Variants in CHAT observed in about 807,000 individuals in gnomAD.
The protein encoded by CHAT is choline O-acetyltransferase.
CHAT carries 61 observed loss-of-function variants against 76.9 expected under a neutral mutation model. The ratio of observed to expected loss-of-function variants is 0.79; its 90% CI spans 0.65 to 0.98. The LOEUF is 0.98. Among genes scored for constraint, CHAT ranks in the 50% least tolerant of loss-of-function variants. The probability of loss-of-function intolerance (pLI) is 0.00; values close to 1 mark genes in which losing one functional copy is unlikely to be tolerated. For synonymous variants in CHAT, 407 were observed against 397.4 expected, an observed-to-expected ratio of 1.02 and a Z score of -0.29; for missense variants, 946 against 986.9, an observed-to-expected ratio of 0.96 and a Z score of 0.56.
chr10:49,652,042 G>T, intron 11 of CHAT, 36 bp downstream of exon 11: 1 of 1,613,958 alleles, frequency 6.2e-7, no homozygotes, highest in African/African-American at 1.3e-5. Context: ...ACCCTGGAGG[G>T]CTGACGGACA....
At chr10:49,612,708 G>T, upstream of CHAT, 1 of 240,408 alleles carries the variant, frequency 4.2e-6, no homozygotes. Context: ...AATAAACTGT[G>T]TCTGTCCCAG....
At chr10:49,628,237 C>A (rs1838995249) in intron 7 of CHAT, among the ~76,000 whole-genome samples, 1 of 152,096 alleles carries the variant, frequency 6.6e-6, no homozygotes, top group Non-Finnish European at 1.5e-5. Flanking sequence ...TTCAAGCTGT[C>A]CCTTATCTTG....
intron 7 of CHAT, among the ~76,000 whole-genome samples, chr10:49,630,107 G>C (rs1192650046): frequency 6.6e-6 from 1 of 152,146 alleles, no homozygotes; most frequent in Non-Finnish European, 1.5e-5. Context: ...GGGTCATCTG[G>C]GTGGAGACGT....
intron 10 of CHAT, among the ~76,000 whole-genome samples, chr10:49,650,250 C>T (rs968614584): frequency 7.2e-5 from 11 of 151,896 alleles, no homozygotes; most frequent in Admixed American, 2.0e-4. Context: ...GGTGTGCACC[C>T]GGCCCGTGGT....
At chr10:49,637,308 A>T (rs1288398763) in intron 7 of CHAT, 2 of 152,048 alleles carry the variant, frequency 1.3e-5, no homozygotes, top group Non-Finnish European at 2.9e-5. Flanking sequence ...ACAAATTTTC[A>T]TATGGTGTAT....
At position 49,620,543 on chromosome 10, in the gene CHAT, C is replaced by T; in HGVS notation, c.628C>T (p.Leu210=). The change falls in exon 4 of 15, where the codon CTG becomes TTG. Residue 210 remains leucine (L), a synonymous_variant. Coordinates refer to ENST00000337653, the MANE Select transcript of CHAT (RefSeq NM_020549.5). The stretch of plus-strand genomic sequence containing the variant: ...CATGTATCTCAACAACCGCCTGGCC[C>T]TGCCTGTCAACTCCAGCCCTGCCGT... ...NDMYLNNRLA[L]PVNSSPAVIF... 2 of 1,613,974 alleles carry T rather than the reference C, an allele frequency of 1.2e-6. No homozygotes were observed. The highest frequency in any genetic ancestry group is 8.5e-7 in the Non-Finnish European group (1 of 1,179,898).
In CHAT at chr10:49,647,968, T is replaced by G. The variant is rs562856576; in HGVS notation, c.1282-539T>G. ...GCCAGCAGGGCTTCATGGACCTGAA[T>G]TCAAGATGATGGAGAACTGGTCTCA... is the stretch of plus-strand genomic sequence containing the variant. On this transcript the variant is annotated intron_variant, in intron 8 of 14. Transcript: ENST00000337653. 9.8e-5 allele frequency: 18 copies of G among 183,798 alleles called. No individual in the cohort carries two copies. In the East Asian group the frequency reaches 2.7e-3, roughly 27 times the overall value. 11.4% of individuals were successfully genotyped at this position (183,798 alleles called of 1,614,324 possible).
chr10:49,623,273 C>T (rs149491714), intron 5 of CHAT, among the ~76,000 whole-genome samples: 1 of 147,502 alleles, frequency 6.8e-6, no homozygotes, highest in Non-Finnish European at 1.5e-5. Context: ...CACTGACTGC[C>T]CCCACGAGAC....
At chr10:49,632,063 C>T (rs1839142903) in intron 7 of CHAT, among the ~76,000 whole-genome samples, 1 of 152,108 alleles carries the variant, frequency 6.6e-6, no homozygotes, top group South Asian at 2.1e-4. Context: ...GCTGTCTACC[C>T]CACCTGGCCC....
chr10:49,647,103 C>T, intron 8 of CHAT: 1 of 217,090 alleles, frequency 4.6e-6, no homozygotes, highest in East Asian at 1.1e-4. Context: ...CCAGAGCTGT[C>T]AGCTTTTTGG....
At chr10:49,626,841 T>C (rs1032545019) in intron 6 of CHAT, among the ~76,000 whole-genome samples, 13 of 152,224 alleles carry the variant, frequency 8.5e-5, no homozygotes, top group African/African-American at 2.9e-4. Context: ...CCTTCAAAGC[T>C]ACAAAATGAC....
chr10:49,656,499 C>T (rs565898584), intron 13 of CHAT, among the ~76,000 whole-genome samples: 1 of 152,226 alleles, frequency 6.6e-6, no homozygotes, highest in Non-Finnish European at 1.5e-5. Flanking sequence ...GTTTCCTCTG[C>T]TTGGGAAAGC....
chr10:49,628,520 C>T (rs944690038), intron 7 of CHAT, among the ~76,000 whole-genome samples: 3 of 152,144 alleles, frequency 2.0e-5, no homozygotes, highest in Non-Finnish European at 4.4e-5. Context: ...GGGCTTGGCT[C>T]AGGGAGTATG....
chr10:49,615,166 G>C lies in CHAT; in HGVS notation c.286+691G>C, dbSNP rs373455051. 6.3e-4 allele frequency among the ~76,000 whole-genome samples: 96 copies of C among 152,026 alleles called. No individual in the cohort carries two copies. The East Asian group carries it at 9.3e-3, about 15-fold the overall frequency. On this transcript the variant is annotated intron_variant, in intron 1 of 14. Transcript: ENST00000337653. Reference sequence around the variant, plus strand: ...CTAGTGTCTCCCGAATGGGGGGGAGGGGGGGGCTCTGGGCCAGAGCAAAAG... The same window carrying C: ...CTAGTGTCTCCCGAATGGGGGGGAGCGGGGGGCTCTGGGCCAGAGCAAAAG...
intron 4 of CHAT, 92 bp from the exon 5 acceptor site, chr10:49,622,005 A>G (rs1199452444): frequency 2.1e-6 from 3 of 1,414,648 alleles, no homozygotes; most frequent in African/African-American, 2.8e-5. Context: ...GATGGAAGGA[A>G]GAGGGAAGGA....
At chr10:49,650,255 C>T (rs1009261279) in intron 10 of CHAT, among the ~76,000 whole-genome samples, 2 of 151,948 alleles carry the variant, frequency 1.3e-5, no homozygotes, top group South Asian at 2.1e-4. Context: ...GCACCCGGCC[C>T]GTGGTAAGGC....
At position 49,655,362 on chromosome 10, in the gene CHAT, G is replaced by A. The variant is rs367800857; in HGVS notation, c.1777-24G>A. 29 of 1,613,908 alleles carry A rather than the reference G, an allele frequency of 1.8e-5. No homozygotes were observed. In the East Asian group the frequency reaches 3.8e-4, roughly 21 times the overall value. ...CTCCAAGCAGCCTTTTAAACCCCGCGCTGCCTCTGTGTTCTGTTGACAGGC... is the reference window on the plus strand; with the variant it reads ...CTCCAAGCAGCCTTTTAAACCCCGCACTGCCTCTGTGTTCTGTTGACAGGC... On this transcript the variant is annotated intron_variant, in intron 12 of 14. Coordinates refer to ENST00000337653, the MANE Select transcript of CHAT (RefSeq NM_020549.5).
intron 7 of CHAT, among the ~76,000 whole-genome samples, chr10:49,630,557 G>A (rs1839082555): frequency 6.6e-6 from 1 of 152,160 alleles, no homozygotes; most frequent in African/African-American, 2.4e-5. Flanking sequence ...CAGTGAGTAT[G>A]GTCGACTTTT....
chr10:49,610,954 A>G (rs1838277295), upstream of CHAT: 3 of 1,610,592 alleles, frequency 1.9e-6, no homozygotes, highest in Non-Finnish European at 2.5e-6. Context: ...CGAGGGCCCC[A>G]CCCGGACTCC....
Sources: allele counts gnomAD v4.1 joint callset (sites outside exome capture counted in the v4.1 genomes callset), GRCh38; gene constraint gnomAD v4.1.1; transcripts MANE v1.5; gene names NCBI Gene and HGNC (gene_info 2026-07-23, HGNC 2026-07-21).